SH3RF1: variants seen among roughly 807,000 people sequenced by gnomAD.
The protein encoded by SH3RF1 is E3 ubiquitin-protein ligase SH3RF1.
In SH3RF1, 32 loss-of-function variants were observed where a neutral mutation model predicts 74.0. The observed-to-expected ratio is 0.43, with a 90% CI of 0.33 to 0.58. The LOEUF is 0.58. SH3RF1 is among the 20% of genes least tolerant of loss of function. The pLI, the probability that SH3RF1 is intolerant of heterozygous loss-of-function variation, is 0.05. For missense variants in SH3RF1, 954 were observed against 1,130.9 expected, an observed-to-expected ratio of 0.84 and a Z score of 2.24; for synonymous variants, 396 against 439.6, an observed-to-expected ratio of 0.90 and a Z score of 1.24.
At chr4:169,190,630 T>G (rs1734686668) in intron 2 of SH3RF1, among the ~76,000 whole-genome samples, 1 of 150,450 alleles carries the variant, frequency 6.6e-6, no homozygotes. Context: ...CACAGCAGAA[T>G]TCTACCAGAC....
chr4:169,211,742 A>G (rs1327520717), intron 2 of SH3RF1, among the ~76,000 whole-genome samples: 1 of 152,162 alleles, frequency 6.6e-6, no homozygotes, highest in Non-Finnish European at 1.5e-5. Context: ...TGGTTTATGG[A>G]TGAAAATATT....
intron 7 of SH3RF1, among the ~76,000 whole-genome samples, chr4:169,121,345 T>C (rs1733433116): frequency 1.3e-5 from 2 of 152,216 alleles, no homozygotes; most frequent in South Asian, 4.1e-4. Flanking sequence ...CAAATGGCAC[T>C]TGTTAGGCTT....
intron 10 of SH3RF1, among the ~76,000 whole-genome samples, chr4:169,113,231 C>A (rs922235309): frequency 2.6e-5 from 4 of 152,018 alleles, no homozygotes; most frequent in African/African-American, 9.7e-5. Flanking sequence ...CAGCTTCAGC[C>A]TCCTGAGTAG....
At chr4:169,189,201 T>A (rs1015531620) in intron 2 of SH3RF1, among the ~76,000 whole-genome samples, 1 of 152,222 alleles carries the variant, frequency 6.6e-6, no homozygotes, top group Admixed American at 6.5e-5. Flanking sequence ...TTTACCACAA[T>A]AAGCAAACAC....
chr4:169,256,156 T>C (rs544494786), intron 2 of SH3RF1, among the ~76,000 whole-genome samples: 4 of 152,286 alleles, frequency 2.6e-5, no homozygotes, highest in Non-Finnish European at 4.4e-5. Context: ...TTTAGTAATA[T>C]GCTAAAGAAA....
At chr4:169,199,007 T>C (rs1174607189) in intron 2 of SH3RF1, among the ~76,000 whole-genome samples, 2 of 152,212 alleles carry the variant, frequency 1.3e-5, no homozygotes, top group Non-Finnish European at 2.9e-5. Context: ...ACAATACTTC[T>C]AGAAAGCAGG....
intron 4 of SH3RF1, among the ~76,000 whole-genome samples, chr4:169,152,535 C>T (rs10000418): frequency 0.082 from 12,425 of 152,090 alleles, 993 homozygotes; most frequent in African/African-American, 0.21. Context: ...GTCAGGAGTT[C>T]GAGACCAGCC....
rs899783952 is a variant in SH3RF1, at chr4:169,151,195, G to A, written c.765+4285C>T. Among the ~76,000 whole-genome samples the A allele has an allele frequency of 4.6e-5, 7 of 152,148 alleles. No individual in the cohort carries two copies. The East Asian group carries it at 5.8e-4, about 13-fold the overall frequency. ...CGCTGTGCAAAGACCCTGCGGAACC[G>A]GCCCTTGGGAGTTTGAATTCTAATG... is the stretch of plus-strand genomic sequence containing the variant. On this transcript the variant is annotated intron_variant, in intron 4 of 11. Coordinates refer to ENST00000284637, the MANE Select transcript of SH3RF1 (RefSeq NM_020870.4).
chr4:169,176,042 A>G (rs1734415813), intron 2 of SH3RF1, among the ~76,000 whole-genome samples: 2 of 152,194 alleles, frequency 1.3e-5, no homozygotes, highest in African/African-American at 4.8e-5. Flanking sequence ...CATACCAAGG[A>G]AAGGCCATGG....
chr4:169,095,927 T>A lies in SH3RF1; in HGVS notation c.*592A>T, dbSNP rs2126931819. 6.6e-6 allele frequency: 1 copy of A among 152,350 alleles called. No individual in the cohort carries two copies. The highest frequency in any genetic ancestry group is 1.9e-4 in the East Asian group (1 of 5,182). 9.4% of individuals were successfully genotyped at this position (152,350 alleles called of 1,614,324 possible). A position where few individuals can be genotyped will look rare whatever the true frequency, so the allele number is the denominator to read the frequency against. ...TCTCTCTACCCCAGGCCCTAATTGA[T>A]ACTGATTCATTTGTATGTTTGGTTT... On this transcript the variant is annotated 3_prime_UTR_variant, in exon 12 of 12. Transcript: ENST00000284637.
chr4:169,145,967 T>C (rs1733875820), intron 4 of SH3RF1, among the ~76,000 whole-genome samples: 2 of 133,084 alleles, frequency 1.5e-5, no homozygotes, highest in African/African-American at 2.9e-5. Context: ...AAATATTACA[T>C]ATTCTATATA....
At chr4:169,114,581 C>A (rs189696670) in intron 10 of SH3RF1, among the ~76,000 whole-genome samples, 1 of 152,250 alleles carries the variant, frequency 6.6e-6, no homozygotes, top group Admixed American at 6.5e-5. Context: ...ATTGGAAGGG[C>A]CCAGCTGAAG....
At chr4:169,123,498 T>G (rs932684307) in intron 6 of SH3RF1, among the ~76,000 whole-genome samples, 2 of 152,204 alleles carry the variant, frequency 1.3e-5, no homozygotes, top group Admixed American at 1.3e-4. Flanking sequence ...CAGAGCCACT[T>G]ACAAAGTGCA....
chr4:169,190,705 C>G (rs1467738808), intron 2 of SH3RF1, among the ~76,000 whole-genome samples: 2 of 152,138 alleles, frequency 1.3e-5, no homozygotes, highest in Non-Finnish European at 2.9e-5. Flanking sequence ...AGAGGGAACC[C>G]TCCCTAAATC....
chr4:169,250,472 C>G (rs985272012), intron 2 of SH3RF1, among the ~76,000 whole-genome samples: 1 of 152,130 alleles, frequency 6.6e-6, no homozygotes, highest in African/African-American at 2.4e-5. Flanking sequence ...GAATGAATAA[C>G]AGTCATTCTC....
chr4:169,130,992 C>G (rs1037258460), intron 5 of SH3RF1, among the ~76,000 whole-genome samples: 1 of 152,150 alleles, frequency 6.6e-6, no homozygotes, highest in Admixed American at 6.5e-5. Flanking sequence ...TGGTACCTGC[C>G]TCCCTAAGAA....
chr4:169,242,904 C>A (rs1730936275), intron 2 of SH3RF1, among the ~76,000 whole-genome samples: 1 of 152,202 alleles, frequency 6.6e-6, no homozygotes, highest in Admixed American at 6.5e-5. Context: ...TTATAAATCA[C>A]CCAGCCTGTT....
chr4:169,175,515 A>G (rs529304746), intron 2 of SH3RF1, among the ~76,000 whole-genome samples: 1 of 152,186 alleles, frequency 6.6e-6, no homozygotes, highest in Admixed American at 6.5e-5. Context: ...TGCTTAGAAT[A>G]TTCTTTACAG....
At chr4:169,166,125 A>G (rs1340646358) in intron 2 of SH3RF1, 5 of 152,020 alleles carry the variant, frequency 3.3e-5, no homozygotes, top group Non-Finnish European at 5.9e-5. Flanking sequence ...TCAACAACAA[A>G]AGACACATGA....
Sources: gnomAD v4.1 joint callset for allele counts (sites outside exome capture counted in the v4.1 genomes callset) on GRCh38, gnomAD v4.1.1 for gene constraint, MANE v1.5 for transcripts, NCBI Gene and HGNC (gene_info 2026-07-23, HGNC 2026-07-21) for gene names.